KIAA1217: variants seen among roughly 807,000 people sequenced by gnomAD.
The protein encoded by KIAA1217 is KIAA1217, also known as sickle tail protein homolog.
In KIAA1217, 88 loss-of-function variants were observed where a neutral mutation model predicts 163.9. The ratio of observed to expected loss-of-function variants is 0.54; its 90% CI spans 0.45 to 0.64. The LOEUF (loss-of-function observed/expected upper bound fraction) is 0.64, where lower values mean the gene tolerates loss of function less well. Among genes scored for constraint, KIAA1217 ranks in the 30% least tolerant of loss-of-function variants. KIAA1217 has a pLI of 0.00. For synonymous variants in KIAA1217, 903 were observed against 923.1 expected (o/e 0.98, Z 0.39); for missense variants, 2,372 against 2,475.0 (o/e 0.96, Z 0.88).
At chr10:24,103,216 TA>T (rs1173437607) in intron 2 of KIAA1217, among the ~76,000 whole-genome samples, 1 of 151,686 alleles carries the variant, frequency 6.6e-6, no homozygotes, top group East Asian at 1.9e-4. Context: ...ACACATACAA[TA>T]AAAAAAGAAA....
intron 1 of KIAA1217, among the ~76,000 whole-genome samples, chr10:23,776,572 A>C (rs1019652895): frequency 3.3e-5 from 5 of 151,504 alleles, no homozygotes; most frequent in African/African-American, 1.2e-4. Flanking sequence ...ATATTAATGA[A>C]ATCTAAAATT....
chr10:24,221,797 A>T (rs753480255), intron 2 of KIAA1217, among the ~76,000 whole-genome samples: 39 of 152,182 alleles, frequency 2.6e-4, no homozygotes, highest in Non-Finnish European at 4.7e-4. Flanking sequence ...CACTTTGGGA[A>T]GCCAAGGCTA....
intron 2 of KIAA1217, among the ~76,000 whole-genome samples, chr10:24,365,018 T>A (rs1378488525): frequency 6.6e-6 from 1 of 152,128 alleles, no homozygotes; most frequent in Non-Finnish European, 1.5e-5. Flanking sequence ...TTGGCCAGGC[T>A]GGTCTTGAAC....
chr10:24,129,289 T>G (rs532041423), intron 2 of KIAA1217, among the ~76,000 whole-genome samples: 9 of 152,312 alleles, frequency 5.9e-5, no homozygotes, highest in African/African-American at 2.2e-4. Flanking sequence ...TACCTGTTAT[T>G]TATTGTATCT....
At chr10:23,931,481 A>G (rs187728620) in intron 1 of KIAA1217, among the ~76,000 whole-genome samples, 45 of 152,298 alleles carry the variant, frequency 3.0e-4, no homozygotes, top group African/African-American at 1.1e-3. Flanking sequence ...CCTGTCTTGC[A>G]CTGATCATAG....
rs12782588 is a variant in KIAA1217 at position 23,905,196 on chromosome 10, T to C, written c.-320-102029T>C. Among the ~76,000 whole-genome samples, 1,374 of 135,676 alleles carry C rather than the reference T, an allele frequency of 0.01. 98 individuals are homozygous for C. In the East Asian group the frequency reaches 0.2, roughly 20 times the overall value. The allele number at this position is 135,676 out of a possible 152,430, so 89.0% of individuals were successfully genotyped here. A position where few individuals can be genotyped will look rare whatever the true frequency, so the allele number is the denominator to read the frequency against. On this transcript the variant is annotated intron_variant, in intron 1 of 18. Transcript: ENST00000376462. ...ACAGAAGGGGCTGCTTTTTTTTTTT[T>C]CTTTCTGCAGAGAGAGTTCTTGGGT... is the stretch of plus-strand genomic sequence containing the variant.
chr10:23,704,256 CT>C (rs1177349985), intron 1 of KIAA1217, among the ~76,000 whole-genome samples: 1 of 132,942 alleles, frequency 7.5e-6, no homozygotes, highest in Non-Finnish European at 1.6e-5. Flanking sequence ...CCCAGGGCTT[CT>C]TTTTTTCTTT....
intron 2 of KIAA1217, chr10:24,275,869 A>C (rs945168757): frequency 2.3e-5 from 10 of 443,010 alleles, no homozygotes; most frequent in Admixed American, 5.6e-5. Flanking sequence ...AAACTATAGC[A>C]AGGGCCCTGG....
intron 2 of KIAA1217, among the ~76,000 whole-genome samples, chr10:24,114,184 G>A (rs937019641): frequency 8.5e-5 from 13 of 152,312 alleles, no homozygotes; most frequent in Admixed American, 7.2e-4. Context: ...TCTGAGGAAC[G>A]TCCTTGTTAG....
intron 2 of KIAA1217, among the ~76,000 whole-genome samples, chr10:24,321,674 CA>C (rs2044178668): frequency 6.6e-6 from 1 of 152,130 alleles, no homozygotes; most frequent in South Asian, 2.1e-4. Flanking sequence ...ACCAAAAAGA[CA>C]AATAGTATAG....
chr10:24,139,609 C>T (rs959186134), intron 2 of KIAA1217, among the ~76,000 whole-genome samples: 16 of 152,166 alleles, frequency 1.1e-4, no homozygotes, highest in African/African-American at 3.6e-4. Flanking sequence ...GGGCCTTCCA[C>T]GAATTTACTA....
chr10:23,923,613 G>A (rs1842923557), intron 1 of KIAA1217, among the ~76,000 whole-genome samples: 1 of 147,498 alleles, frequency 6.8e-6, no homozygotes, highest in Non-Finnish European at 1.5e-5. Context: ...TGTGTCGGAA[G>A]AAGGAGGAAG....
chr10:24,036,812 C>T (rs1451541849), intron 2 of KIAA1217, among the ~76,000 whole-genome samples: 1 of 152,196 alleles, frequency 6.6e-6, no homozygotes, highest in African/African-American at 2.4e-5. Flanking sequence ...CCCCATGACC[C>T]AAACACCTCC....
At chr10:23,819,955 A>G (rs947139627) in intron 1 of KIAA1217, among the ~76,000 whole-genome samples, 26 of 152,234 alleles carry the variant, frequency 1.7e-4, no homozygotes, top group African/African-American at 4.6e-4. Flanking sequence ...CTAAAGATCT[A>G]TAAATGTATG....
At chr10:24,307,305 A>T (rs1351687613) in intron 2 of KIAA1217, among the ~76,000 whole-genome samples, 2 of 152,210 alleles carry the variant, frequency 1.3e-5, no homozygotes, top group Non-Finnish European at 2.9e-5. Flanking sequence ...GTTCATGAGC[A>T]GAGAAGGACT....
intron 2 of KIAA1217, among the ~76,000 whole-genome samples, chr10:24,150,365 A>G (rs1053760066): frequency 1.3e-5 from 2 of 152,198 alleles, no homozygotes. Context: ...ATTTAAAAAG[A>G]GAACCATCAT....
At chr10:24,255,458 T>G (rs1177511167) in intron 2 of KIAA1217, 1 of 453,986 alleles carries the variant, frequency 2.2e-6, no homozygotes, top group Admixed American at 2.4e-5. Flanking sequence ...TCCCAGAACA[T>G]TAAAGGTCTG....
At chr10:23,873,777 G>T (rs999419479) in intron 1 of KIAA1217, among the ~76,000 whole-genome samples, 1 of 151,724 alleles carries the variant, frequency 6.6e-6, no homozygotes, top group East Asian at 1.9e-4. Flanking sequence ...TTCACTTTAG[G>T]TAAGTGCAGA....
At chr10:24,095,372 A>G (rs907123446) in intron 2 of KIAA1217, among the ~76,000 whole-genome samples, 2 of 152,192 alleles carry the variant, frequency 1.3e-5, no homozygotes, top group Non-Finnish European at 2.9e-5. Context: ...CTATTCGGCC[A>G]TCATGGCTCC....
Sources: gnomAD v4.1 joint callset for allele counts (sites outside exome capture counted in the v4.1 genomes callset) on GRCh38, gnomAD v4.1.1 for gene constraint, MANE v1.5 for transcripts, NCBI Gene and HGNC (gene_info 2026-07-23, HGNC 2026-07-21) for gene names.